The following TRPM1 variants were observed in gnomAD, a reference collection of about 807,000 sequenced individuals.
TRPM1 encodes TRPM1-203 APA Isoform, Intron 10.
Under a neutral mutation model 149.4 loss-of-function variants are expected in TRPM1, and 113 were observed. The observed-to-expected ratio is 0.76, with a 90% CI of 0.65 to 0.88. The LOEUF (loss-of-function observed/expected upper bound fraction) is 0.88, where lower values mean the gene tolerates loss of function less well. Ranked by LOEUF, TRPM1 falls within the 40% of genes least tolerant of loss-of-function variation. The pLI is 0.00. For missense variants in TRPM1, 1,976 were observed against 2,038.7 expected (o/e 0.97, Z 0.59); for synonymous variants, 741 against 759.5 (o/e 0.98, Z 0.40).
intron 1 of TRPM1, among the ~76,000 whole-genome samples, chr15:31,126,500 G>T (rs1479091258): frequency 6.6e-6 from 1 of 152,112 alleles, no homozygotes; most frequent in Non-Finnish European, 1.5e-5. Context: ...CCCATCCTTG[G>T]CAGGGTTAGA....
chr15:31,126,967 A>AAAACAAACAAACAAAC (rs71420550), intron 1 of TRPM1, among the ~76,000 whole-genome samples: 3,697 of 150,658 alleles, frequency 0.025, 69 homozygotes, highest in African/African-American at 0.053. Flanking sequence ...ATCCTGTCTC[A>AAAACAAACAAACAAAC]AAACAAACAA....
intron 2 of TRPM1, among the ~76,000 whole-genome samples, chr15:31,079,668 AT>A (rs1183492098): frequency 6.6e-6 from 1 of 152,226 alleles, no homozygotes; most frequent in Non-Finnish European, 1.5e-5. Context: ...AAGCATGCAT[AT>A]CAGCAGGCAG....
chr15:31,108,077 C>T (rs1023153778), intron 1 of TRPM1, among the ~76,000 whole-genome samples: 2 of 152,068 alleles, frequency 1.3e-5, no homozygotes, highest in Admixed American at 1.3e-4. Context: ...AGGCTGGTCT[C>T]GAACTCCTGA....
chr15:31,042,176 T>C lies in TRPM1; in HGVS notation c.1862A>G (p.Asp621Gly). 6.2e-7 allele frequency: 1 copy of C among 1,614,068 alleles called. No individual in the cohort carries two copies. Among genetic ancestry groups the C allele is most frequent in the Admixed American group, 1.7e-5 (1 of 60,014 alleles). ...KKKKEEEIDI[D>G]VDDPAVSRFQ... ...CCGACTCACGGCAGGGTCGTCCACATCAATGTCGATCTCTTCCTCCTTTTT... is the reference window on the plus strand; with the variant it reads ...CCGACTCACGGCAGGGTCGTCCACACCAATGTCGATCTCTTCCTCCTTTTT... Residue 621 changes from aspartate to glycine, a missense_variant, in exon 17 of 28, where the codon GAT (aspartate) becomes GGT (glycine). By Grantham distance (94) the Asp-to-Gly change is moderately conservative. Coordinates refer to ENST00000256552, the MANE Select transcript of TRPM1 (RefSeq NM_001252024.2).
intron 27 of TRPM1, among the ~76,000 whole-genome samples, chr15:31,025,181 T>C (rs1349760852): frequency 1.3e-5 from 2 of 152,198 alleles, no homozygotes; most frequent in Non-Finnish European, 2.9e-5. Flanking sequence ...TACTCAAGGA[T>C]AGAAAGCAGA....
In TRPM1 at chr15:31,026,994, GA is replaced by G. The variant is rs2140900870; in HGVS notation, c.3416del (p.Ile1139ThrfsTer27). 6.2e-7 allele frequency: 1 copy of G among 1,614,174 alleles called. No homozygotes were observed. The highest frequency in any genetic ancestry group is 8.5e-7 in the Non-Finnish European group (1 of 1,180,038). On this transcript the variant is annotated frameshift_variant, in exon 26 of 28. Transcript: ENST00000256552. LOFTEE classifies it high-confidence loss of function. Reference protein sequence around the residue: ...LPPPMIILSHIYIIIMRLSGR... With the variant: ...LPPPMIILSHXYIIIMRLSGR... Reference sequence around the variant, plus strand: ...CGCTGAGACGCATAATGATGATGTAGATGTGGCTTAAAATGATCATCGGTGG... The same window carrying G: ...CGCTGAGACGCATAATGATGATGTAGTGTGGCTTAAAATGATCATCGGTGG...
intron 27 of TRPM1, among the ~76,000 whole-genome samples, chr15:31,006,968 T>G (rs974632879): frequency 3.3e-5 from 5 of 152,128 alleles, no homozygotes; most frequent in African/African-American, 1.2e-4. Flanking sequence ...TATTGGGCCA[T>G]TTTTTCCATA....
rs779173442 is a variant in TRPM1, at chr15:31,062,600, C to T, written c.1068G>A (p.Glu356=). 1 of 1,614,156 alleles carries T rather than the reference C, an allele frequency of 6.2e-7. No homozygotes were observed. Among genetic ancestry groups the T allele is most frequent in the Non-Finnish European group, 8.5e-7 (1 of 1,180,026 alleles). ...QSHQLFAIIM[E]CMKKKELVTV... ...TTACGAGTTCTTTCTTCTTCATGCA[C>T]TCCATTATAATTGCAAACAGCTGAT... Residue 356 remains glutamate, a synonymous_variant, in exon 9 of 28, where the codon GAG becomes GAA. Coordinates refer to ENST00000256552, the MANE Select transcript of TRPM1 (RefSeq NM_001252024.2).
chr15:31,118,404 A>G (rs1266878900), intron 1 of TRPM1, among the ~76,000 whole-genome samples: 1 of 152,216 alleles, frequency 6.6e-6, no homozygotes, highest in Non-Finnish European at 1.5e-5. Context: ...CAGACACCAA[A>G]CCACTGAACC....
intron 8 of TRPM1, 34 bp from the exon 9 acceptor site, chr15:31,062,736 G>A: frequency 6.2e-7 from 1 of 1,611,282 alleles, no homozygotes; most frequent in Non-Finnish European, 8.5e-7. Context: ...ACAAAACAAG[G>A]CAAGTTAAAT....
At chr15:31,084,639 T>G (rs2034947412) in intron 1 of TRPM1, among the ~76,000 whole-genome samples, 1 of 151,816 alleles carries the variant, frequency 6.6e-6, no homozygotes, top group Non-Finnish European at 1.5e-5. Context: ...GTGCTATCAG[T>G]AAGACATTTT....
intron 1 of TRPM1, among the ~76,000 whole-genome samples, chr15:31,149,770 T>C (rs6493492): frequency 0.5 from 75,849 of 151,502 alleles, 19,417 homozygotes; most frequent in Middle Eastern, 0.59. Context: ...CCGCCCGCCT[T>C]GGCCTCCCAA....
chr15:31,150,433 CTTTTTTTT>C (rs35862690), intron 1 of TRPM1, among the ~76,000 whole-genome samples: 21 of 110,854 alleles, frequency 1.9e-4, no homozygotes, highest in Non-Finnish European at 1.6e-4. Flanking sequence ...TTTTCTTTTC[CTTTTTTTT>C]TTTTTTTTTT....
chr15:31,068,076 T>C lies in TRPM1; in HGVS notation c.296A>G (p.Tyr99Cys), dbSNP rs1328215061. The C allele has an allele frequency of 1.2e-5, 20 of 1,613,884 alleles. No homozygotes were observed. The highest frequency in any genetic ancestry group is 6.7e-5 in the East Asian group (3 of 44,900). ...SNKAMYIRVS[Y>C]DTKPDSLLHL... ...GAGCAGTGAGTCTGGCTTGGTGTCA[T>C]AGGATACACGGATATACTGTGAAAG... Residue 99 changes from tyrosine to cysteine, a missense_variant, in exon 5 of 28, where the codon TAT becomes TGT. By Grantham distance (194) the Tyr-to-Cys change is radical. Around this residue, in one of 3 missense-constraint regions of TRPM1, gnomAD observed 1,332 missense variants for 1,347.1 expected, o/e 0.99. Coordinates refer to ENST00000256552, the MANE Select transcript of TRPM1 (RefSeq NM_001252024.2).
In TRPM1 at chr15:31,076,927, G is replaced by C; in HGVS notation, c.61C>G (p.Pro21Ala). 6.2e-7 allele frequency: 1 copy of C among 1,611,446 alleles called. No homozygotes were observed. The highest frequency in any genetic ancestry group is 8.5e-7 in the Non-Finnish European group (1 of 1,177,668). The change falls in exon 3 of 28, where the codon CCT (proline) becomes GCT (alanine). Residue 21 changes from proline (P) to alanine (A), a missense_variant. Pro to Ala is a conservative substitution (Grantham distance 27). Coordinates refer to ENST00000256552, the MANE Select transcript of TRPM1 (RefSeq NM_001252024.2). ...FCKRECIFVI[P>A]SMKDSNRCCC... ...TACCTGTTAGAGTCTTTCATGCTAG[G>C]AATTACAAAGATACATTCCCGTTTG...
intron 27 of TRPM1, among the ~76,000 whole-genome samples, chr15:31,011,385 T>C (rs2032176622): frequency 6.6e-6 from 1 of 152,174 alleles, no homozygotes; most frequent in African/African-American, 2.4e-5. Flanking sequence ...CTGTGTTAAA[T>C]AGGTATTTTC....
Position 31,036,511 on chromosome 15 carries a change from C to G in TRPM1, c.2572-837G>C, listed in dbSNP as rs2033382150. Among the ~76,000 whole-genome samples, 3 of 151,976 alleles carry G rather than the reference C, an allele frequency of 2.0e-5. No individual in the cohort carries two copies. In the South Asian group the frequency reaches 6.3e-4, roughly 32 times the overall value. On this transcript the variant is annotated intron_variant, in intron 20 of 27. Transcript: ENST00000256552. The stretch of plus-strand genomic sequence containing the variant: ...AGAGAGGCAGGCCCCACCCCAAGAT[C>G]CACTATCCACTCTTTGAAGAAAGAT...
At chr15:31,057,309 T>C (rs370702983) in intron 11 of TRPM1, among the ~76,000 whole-genome samples, 100 of 152,272 alleles carry the variant, frequency 6.6e-4, no homozygotes, top group African/African-American at 2.3e-3. Context: ...AAATGCTGCA[T>C]ATTCTCATAA....
intron 7 of TRPM1, among the ~76,000 whole-genome samples, chr15:31,065,841 C>T (rs2034359378): frequency 6.6e-6 from 1 of 152,214 alleles, no homozygotes; most frequent in Admixed American, 6.5e-5. Flanking sequence ...ATGGCGAGCA[C>T]TGAGGGTTAT....
Sources: gnomAD v4.1 joint callset for allele counts (sites outside exome capture counted in the v4.1 genomes callset) on GRCh38, gnomAD v4.1.1 for gene constraint, gnomAD v4.1.1 regional missense constraint, MANE v1.5 for transcripts, NCBI Gene and HGNC (gene_info 2026-07-23, HGNC 2026-07-21) for gene names.